The following ARVCF variants were observed in gnomAD, a reference collection of about 807,000 sequenced individuals.
ARVCF encodes the protein splicing regulator ARVCF.
A neutral mutation model predicts 90.9 loss-of-function variants in ARVCF; 66 were observed. The ratio of observed to expected loss-of-function variants is 0.73; its 90% CI spans 0.60 to 0.89. ARVCF has a LOEUF of 0.89. Among genes scored for constraint, ARVCF ranks in the 40% least tolerant of loss-of-function variants. The pLI, the probability that ARVCF is intolerant of heterozygous loss-of-function variation, is 0.00. For synonymous variants in ARVCF, 653 were observed against 603.4 expected, an observed-to-expected ratio of 1.08 and a Z score of -1.21; for missense variants, 1,469 against 1,382.3, an observed-to-expected ratio of 1.06 and a Z score of -1.00.
In ARVCF at chr22:19,973,010, G is replaced by A. The variant is rs115199082; in HGVS notation, c.2465C>T (p.Ala822Val). 353 of 1,613,348 alleles carry A rather than the reference G, an allele frequency of 2.2e-4. No homozygotes were observed. In the East Asian group the frequency reaches 2.8e-3, roughly 13 times the overall value. ...SSQSVREAKA[A>V]SHVLQTVWSY... ...CCACACTGTCTGCAGCACGTGTGAC[G>A]CCGCCTTCGCTTCGCGTACCGATTG... Residue 822 changes from alanine (A) to valine (V), a missense_variant, in exon 15 of 20, where the codon GCG becomes GTG. Coordinates refer to ENST00000263207, the MANE Select transcript of ARVCF (RefSeq NM_001670.3).
At chr22:20,004,923 A>G (rs868149848) in intron 2 of ARVCF, among the ~76,000 whole-genome samples, 16 of 152,356 alleles carry the variant, frequency 1.1e-4, no homozygotes, top group Middle Eastern at 3.4e-3. Context: ...ATAAGACCTC[A>G]AACTATAAAA....
intron 1 of ARVCF, among the ~76,000 whole-genome samples, chr22:20,012,924 G>T (rs944472469): frequency 6.6e-6 from 1 of 152,248 alleles, no homozygotes; most frequent in Admixed American, 6.5e-5. Flanking sequence ...TGGGATGGAG[G>T]ATGCAGCCTG....
intron 18 of ARVCF, among the ~76,000 whole-genome samples, chr22:19,971,666 A>G (rs866710436): frequency 6.6e-6 from 1 of 152,302 alleles, no homozygotes; most frequent in Middle Eastern, 3.4e-3. Context: ...TGGCCCATGC[A>G]GGGTGTGGCC....
rs151063323 is a variant in ARVCF, at chr22:19,971,272, C to A, written c.2845G>T (p.Ala949Ser). ...GGCTGAGGCTTAGCGTCCCCTACGG[C>A]GTCCACCAGCCTGACCGCGGGCCTG... is the stretch of plus-strand genomic sequence containing the variant. ...PSRPAVRLVD[A>S]VGDAKPQPVD... Residue 949 changes from alanine to serine, a missense_variant, in exon 19 of 20, where the codon GCC becomes TCC. Transcript: ENST00000263207. 6.4e-7 allele frequency: 1 copy of A among 1,556,770 alleles called. No individual in the cohort carries two copies. Among genetic ancestry groups the A allele is most frequent in the Non-Finnish European group, 8.7e-7 (1 of 1,149,524 alleles).
chr22:19,970,410 C>G lies in ARVCF; in HGVS notation c.*346G>C. The stretch of plus-strand genomic sequence containing the variant: ...GGGGCACTGTGTTCCCAGGGGCACC[C>G]TCCTATCCCACCAGCCCCAAAGCCC... On this transcript the variant is annotated 3_prime_UTR_variant, in exon 20 of 20. Coordinates refer to ENST00000263207, the MANE Select transcript of ARVCF (RefSeq NM_001670.3). 1 of 1,071,920 alleles carries G rather than the reference C, an allele frequency of 9.3e-7. No homozygotes were observed. Among genetic ancestry groups the G allele is most frequent in the Non-Finnish European group, 1.1e-6 (1 of 877,302 alleles). 66.4% of individuals were successfully genotyped at this position (1,071,920 alleles called of 1,614,324 possible). A position where few individuals can be genotyped will look rare whatever the true frequency, so the allele number is the denominator to read the frequency against.
At chr22:19,971,082 G>A (rs965170830) in intron 19 of ARVCF, 134 bp downstream of exon 19, 5 of 1,432,210 alleles carry the variant, frequency 3.5e-6, no homozygotes, top group Non-Finnish European at 4.8e-6. Flanking sequence ...GGGCCACTGG[G>A]CTGCTGGACT....
chr22:19,965,973 GCTGGGC>G (rs1490385094), downstream of ARVCF, among the ~76,000 whole-genome samples: 1 of 152,268 alleles, frequency 6.6e-6, no homozygotes, highest in Non-Finnish European at 1.5e-5. Flanking sequence ...GACACCCACA[GCTGGGC>G]CTGCGTTACT....
rs1389518000 is a variant in ARVCF at position 19,981,506 on chromosome 22, A to T, written c.601T>A (p.Tyr201Asn). ...CCCAGCCCTCGGGACAGGCTGCCAT[A>T]GCTGGGGCTGTCCCGGGGCTCGGGG... ...EGPEPRDSPS[Y>N]GSLSRGLGMR... Residue 201 changes from tyrosine to asparagine, a missense_variant, in exon 5 of 20, where the codon TAT becomes AAT. Transcript: ENST00000263207. 6.4e-7 allele frequency: 1 copy of T among 1,564,228 alleles called. No individual in the cohort carries two copies. The highest frequency in any genetic ancestry group is 1.2e-5 in the South Asian group (1 of 85,336).
intron 3 of ARVCF, chr22:19,987,107 G>A (rs1343626308): frequency 7.2e-6 from 4 of 556,664 alleles, no homozygotes; most frequent in Non-Finnish European, 6.5e-6. Flanking sequence ...GCCGGGACTC[G>A]GGGGGCGCTG....
Position 19,970,674 on chromosome 22 carries a change from G to A in ARVCF, c.*82C>T, listed in dbSNP as rs115545260. 2.5e-3 allele frequency: 3,167 copies of A among 1,286,462 alleles called. 76 individuals carry two copies. The African/African-American group carries it at 0.043, about 18-fold the overall frequency. 79.7% of individuals were successfully genotyped at this position (1,286,462 alleles called of 1,614,324 possible). ...GCCGCCAGGGGGCTCCAAGCTCCAC[G>A]GCACGATCTGCTCAGGGTGGCCCTT... On this transcript the variant is annotated 3_prime_UTR_variant, in exon 20 of 20. Transcript: ENST00000263207.
Position 19,974,259 on chromosome 22 carries a change from C to T in ARVCF, c.1961-20G>A. 6.3e-7 allele frequency: 1 copy of T among 1,582,174 alleles called. No individual in the cohort carries two copies. Among genetic ancestry groups the T allele is most frequent in the South Asian group, 1.1e-5 (1 of 88,974 alleles). On this transcript the variant is annotated intron_variant, in intron 11 of 19. Coordinates refer to ENST00000263207, the MANE Select transcript of ARVCF (RefSeq NM_001670.3). ...CAAAGCCTAGGTGCAGGGCAACCGC[C>T]ACCCACGGTCACCCAGAATCTGCTC...
downstream of ARVCF, chr22:19,967,243 C>T (rs770389839): frequency 1.0e-5 from 13 of 1,299,042 alleles, no homozygotes; most frequent in South Asian, 2.5e-5. Flanking sequence ...AGTCCCCTGG[C>T]GCAACCCGAG....
At chr22:19,974,422 TCA>T in intron 11 of ARVCF, 183 bp from the exon 12 acceptor site, 3 of 707,388 alleles carry the variant, frequency 4.2e-6, no homozygotes, top group Non-Finnish European at 6.2e-6. Flanking sequence ...CGTTCCCATT[TCA>T]CAGAGGAACA....
intron 15 of ARVCF, 29 bp downstream of exon 15, chr22:19,972,896 G>T: frequency 6.2e-7 from 1 of 1,613,860 alleles, no homozygotes; most frequent in South Asian, 1.1e-5. Flanking sequence ...AGTGAGCAGG[G>T]AATGGAAGGA....
chr22:19,979,403 C>G (rs1182414406), intron 6 of ARVCF: 3 of 516,880 alleles, frequency 5.8e-6, no homozygotes, highest in Non-Finnish European at 1.0e-5. Context: ...TGTCCCTCAG[C>G]TCTCACAAGG....
At position 19,973,781 on chromosome 22, in the gene ARVCF, T is replaced by C. The variant is rs377700104; in HGVS notation, c.2101A>G (p.Ile701Val). Residue 701 changes from isoleucine (I) to valine (V), a missense_variant, in exon 13 of 20, where the codon ATC (isoleucine) becomes GTC (valine). Transcript: ENST00000263207. ...SAGNWMWATYIRATVRKERGL... is the reference protein window; with the variant it reads ...SAGNWMWATYVRATVRKERGL... ...CGCTCTTTGCGCACTGTGGCGCGGA[T>C]GTACGTGGCCCACTGCGGAGGCGGG... 3 of 1,605,882 alleles carry C rather than the reference T, an allele frequency of 1.9e-6. No homozygotes were observed. The African/African-American group carries it at 4.0e-5, about 21-fold the overall frequency.
In ARVCF at chr22:19,990,763, C is replaced by G. The variant is rs1193834632; in HGVS notation, c.32G>C (p.Ser11Thr). The change falls in exon 3 of 20, where the codon AGC becomes ACC. Residue 11 changes from serine (S) to threonine (T), a missense_variant. Physicochemically the swap from Ser to Thr is moderately conservative, Grantham distance 58. Transcript: ENST00000263207. ...CTGCTCCTTCACCGAGGCCAGGATG[C>G]TGGCGGCCGAGTGCACATTGCAGTC... The part of the protein sequence containing the change: MEDCNVHSAA[S>T]ILASVKEQEA... The G allele has an allele frequency of 6.3e-7, 1 of 1,580,338 alleles. No homozygotes were observed.
At chr22:20,012,418 C>T (rs762166432) in intron 1 of ARVCF, among the ~76,000 whole-genome samples, 51 of 152,180 alleles carry the variant, frequency 3.4e-4, no homozygotes, top group Non-Finnish European at 5.6e-4. Flanking sequence ...GGGCAGTGGA[C>T]GGACAGAGGG....
At chr22:19,993,528 G>GACCTTGGCTGTCCAGCCAATGCC (rs1161701135) in intron 2 of ARVCF, among the ~76,000 whole-genome samples, 2 of 152,224 alleles carry the variant, frequency 1.3e-5, no homozygotes, top group Non-Finnish European at 2.9e-5. Context: ...ACACTGCAGG[G>GACCTTGGCTGTCCAGCCAATGCC]ACCTTGGCTG....
Sources: allele counts gnomAD v4.1 joint callset (sites outside exome capture counted in the v4.1 genomes callset), GRCh38; gene constraint gnomAD v4.1.1; transcripts MANE v1.5; gene names NCBI Gene and HGNC (gene_info 2026-07-23, HGNC 2026-07-21).